The following CCSER2 variants were observed in gnomAD, a reference collection of about 807,000 sequenced individuals.
The protein encoded by CCSER2 is coiled-coil serine rich protein 2.
Under a neutral mutation model 92.3 loss-of-function variants are expected in CCSER2, and 46 were observed. The ratio of observed to expected loss-of-function variants is 0.50; its 90% CI spans 0.39 to 0.64. The LOEUF (loss-of-function observed/expected upper bound fraction) is 0.64, where lower values mean the gene tolerates loss of function less well. Ranked by LOEUF, CCSER2 falls within the 30% of genes least tolerant of loss-of-function variation. CCSER2 has a pLI of 0.00. For missense variants in CCSER2, 1,244 were observed against 1,238.9 expected, an observed-to-expected ratio of 1.00 and a Z score of -0.06; for synonymous variants, 433 against 431.4, an observed-to-expected ratio of 1.00 and a Z score of -0.04.
intron 6 of CCSER2, among the ~76,000 whole-genome samples, chr10:84,449,053 G>A (rs1298056190): frequency 6.6e-6 from 1 of 152,184 alleles, no homozygotes; most frequent in Non-Finnish European, 1.5e-5. Flanking sequence ...ACGTTTCAAT[G>A]ATGAAAGTTA....
At chr10:84,404,991 A>T (rs755365206) in intron 3 of CCSER2, among the ~76,000 whole-genome samples, 1 of 152,206 alleles carries the variant, frequency 6.6e-6, no homozygotes, top group Non-Finnish European at 1.5e-5. Flanking sequence ...AAGTGATGCA[A>T]TACCAATCAG....
intron 3 of CCSER2, among the ~76,000 whole-genome samples, chr10:84,380,378 T>C (rs1840827778): frequency 6.6e-6 from 1 of 152,238 alleles, no homozygotes; most frequent in Non-Finnish European, 1.5e-5. Context: ...AATTTAATTC[T>C]TGTTAAATGT....
rs1469679771 is a variant in CCSER2 at position 84,514,164 on chromosome 10, C to G, written c.3041C>G (p.Thr1014Arg). 2 of 1,536,350 alleles carry G rather than the reference C, an allele frequency of 1.3e-6. No individual in the cohort carries two copies. The highest frequency in any genetic ancestry group is 4.9e-5 in the East Asian group (2 of 40,920). ...AAGACAAGCATCCCAAGGCCACTAACACAACGAAAAGAAATCATGCAGAAT... is the reference window on the plus strand; with the variant it reads ...AAGACAAGCATCCCAAGGCCACTAAGACAACGAAAAGAAATCATGCAGAAT... ...QAKTSIPRPLTQRKEIMQNPN... is the reference protein window; with the variant it reads ...QAKTSIPRPLRQRKEIMQNPN... Residue 1014 changes from threonine to arginine, a missense_variant, in exon 10 of 10, where the codon ACA becomes AGA. Physicochemically the swap from Thr to Arg is moderately conservative, Grantham distance 71 (BLOSUM62 -1). Transcript: ENST00000372088.
chr10:84,409,716 G>A (rs770569673), intron 3 of CCSER2, among the ~76,000 whole-genome samples: 9 of 151,992 alleles, frequency 5.9e-5, no homozygotes, highest in African/African-American at 1.7e-4. Flanking sequence ...TGATGTTTCC[G>A]TACCATGACT....
At chr10:84,472,877 A>G (rs1846901584) in intron 8 of CCSER2, among the ~76,000 whole-genome samples, 1 of 152,178 alleles carries the variant, frequency 6.6e-6, no homozygotes, top group Non-Finnish European at 1.5e-5. Context: ...TATCTAGTCC[A>G]TACTAAGATT....
chr10:84,478,535 T>C (rs1847284143), intron 9 of CCSER2, among the ~76,000 whole-genome samples: 1 of 152,222 alleles, frequency 6.6e-6, no homozygotes, highest in African/African-American at 2.4e-5. Context: ...TAAAAGAGTT[T>C]TGTTTCTTTT....
chr10:84,434,019 C>T (rs769436924), intron 5 of CCSER2, among the ~76,000 whole-genome samples: 3 of 152,226 alleles, frequency 2.0e-5, no homozygotes, highest in Non-Finnish European at 4.4e-5. Context: ...AGCAGCTTTG[C>T]AGTCTTCATG....
chr10:84,424,969 G>A, intron 4 of CCSER2: 6 of 984,576 alleles, frequency 6.1e-6, no homozygotes, highest in Non-Finnish European at 7.2e-6. Flanking sequence ...GTCTGAGTAG[G>A]CAGCCGGTAA....
At chr10:84,432,279 G>C (rs1843816657) in intron 5 of CCSER2, among the ~76,000 whole-genome samples, 1 of 151,894 alleles carries the variant, frequency 6.6e-6, no homozygotes, top group African/African-American at 2.4e-5. Context: ...GATTCAGTGG[G>C]TACATACGCA....
At chr10:84,361,576 C>T (rs1564597984) in intron 1 of CCSER2, among the ~76,000 whole-genome samples, 1 of 152,050 alleles carries the variant, frequency 6.6e-6, no homozygotes, top group Non-Finnish European at 1.5e-5. Flanking sequence ...TGTATTGTTG[C>T]ATATAGCAAT....
chr10:84,420,721 C>T (rs796227271), intron 4 of CCSER2, among the ~76,000 whole-genome samples: 6 of 152,118 alleles, frequency 3.9e-5, no homozygotes, highest in African/African-American at 1.4e-4. Flanking sequence ...AACACAAGGT[C>T]AGGAGATTGA....
At chr10:84,438,440 T>A in intron 5 of CCSER2, 72 bp from the exon 6 acceptor site, 1 of 874,972 alleles carries the variant, frequency 1.1e-6, no homozygotes, top group Non-Finnish European at 1.8e-6. Context: ...CTGCAATAAT[T>A]TCATTATCTT....
At chr10:84,495,908 A>G (rs575448876) in intron 9 of CCSER2, among the ~76,000 whole-genome samples, 1 of 151,264 alleles carries the variant, frequency 6.6e-6, no homozygotes, top group South Asian at 2.1e-4. Context: ...TTTAATGGGT[A>G]TATTTCAGCC....
intron 3 of CCSER2, among the ~76,000 whole-genome samples, chr10:84,408,114 C>T (rs1251489575): frequency 6.6e-6 from 1 of 151,702 alleles, no homozygotes; most frequent in Non-Finnish European, 1.5e-5. Flanking sequence ...TTATAAAAGC[C>T]CTATGTCCTT....
intron 3 of CCSER2, among the ~76,000 whole-genome samples, chr10:84,398,787 T>A (rs1345736766): frequency 1.3e-5 from 2 of 152,112 alleles, no homozygotes; most frequent in East Asian, 3.9e-4. Context: ...CTTTTTTTTT[T>A]AAAGTAATAA....
rs1384460036 is a variant in CCSER2, at chr10:84,518,417, A to AT, written c.*4151dup. On this transcript the variant is annotated 3_prime_UTR_variant, in exon 10 of 10. Transcript: ENST00000372088. ...TAAGTCAGTTTAGAGTACAAACTGT[A>AT]TATTAGAATTTGCCTGTAAAATGAA... The AT allele has an allele frequency of 3.9e-5, 6 of 152,670 alleles. No homozygotes were observed. The highest frequency in any genetic ancestry group is 3.9e-4 in the Admixed American group (6 of 15,278). 9.5% of individuals were successfully genotyped at this position (152,670 alleles called of 1,614,324 possible).
At chr10:84,421,272 G>A (rs1200933901) in intron 4 of CCSER2, among the ~76,000 whole-genome samples, 1 of 152,166 alleles carries the variant, frequency 6.6e-6, no homozygotes, top group Non-Finnish European at 1.5e-5. Context: ...GTTATTGGAG[G>A]AAAGTTTTTG....
chr10:84,506,824 T>TAAATAAATA (rs1291623952), intron 9 of CCSER2, among the ~76,000 whole-genome samples: 3 of 151,888 alleles, frequency 2.0e-5, no homozygotes, highest in African/African-American at 7.2e-5. Context: ...AATAAATAAA[T>TAAATAAATA]AAATCTAACA....
chr10:84,484,831 A>G (rs1441494118), intron 9 of CCSER2, among the ~76,000 whole-genome samples: 2 of 151,334 alleles, frequency 1.3e-5, no homozygotes, highest in African/African-American at 2.4e-5. Flanking sequence ...CATTTCTTCT[A>G]TTTTTTTTTA....
Sources: gnomAD v4.1 joint callset for allele counts (sites outside exome capture counted in the v4.1 genomes callset) on GRCh38, gnomAD v4.1.1 for gene constraint, MANE v1.5 for transcripts, NCBI Gene and HGNC (gene_info 2026-07-23, HGNC 2026-07-21) for gene names.